The following CLEC12A variants were observed in gnomAD, a reference collection of about 807,000 sequenced individuals.
The protein encoded by CLEC12A is C-type lectin domain family 12 member A.
In CLEC12A, 22 loss-of-function variants were observed where a neutral mutation model predicts 26.5. The observed-to-expected ratio is 0.83, with a 90% confidence interval of 0.59 to 1.19. The LOEUF is 1.19. Among genes scored for constraint, CLEC12A ranks in the 50% most tolerant of loss-of-function variants. The probability of loss-of-function intolerance (pLI) is 0.00; values close to 1 mark genes in which losing one functional copy is unlikely to be tolerated. For synonymous variants in CLEC12A, 119 were observed against 101.9 expected (o/e 1.17, Z -1.01); for missense variants, 353 against 315.6 (o/e 1.12, Z -0.90).
chr12:9,971,334 G>T, upstream of CLEC12A: 1 of 936,094 alleles, frequency 1.1e-6, no homozygotes, highest in Non-Finnish European at 1.3e-6. Context: ...TGAGAAAAAG[G>T]AAGAAATATG....
At chr12:9,998,802 C>T (rs1370547602), downstream of CLEC12A, among the ~76,000 whole-genome samples, 2 of 152,072 alleles carry the variant, frequency 1.3e-5, no homozygotes, top group Admixed American at 6.5e-5. Flanking sequence ...TCTATGCCCT[C>T]GAGTATTAAA....
the CLEC12A span, among the ~76,000 whole-genome samples, chr12:10,005,985 A>G: frequency 6.6e-6 from 1 of 152,158 alleles, no homozygotes; most frequent in Non-Finnish European, 1.5e-5. Context: ...AACAGAAAGA[A>G]CAGAGTGAGA....
upstream of CLEC12A, among the ~76,000 whole-genome samples, chr12:9,967,291 T>TA (rs1863984298): frequency 3.6e-5 from 1 of 28,086 alleles, no homozygotes; most frequent in South Asian, 2.4e-3. Context: ...GAGGGACCAA[T>TA]GTGTAAAAGA....
At chr12:9,952,508 G>C (rs898567307) in intron 1 of CLEC12A, 2 of 151,744 alleles carry the variant, frequency 1.3e-5, no homozygotes, top group East Asian at 2.3e-4. Context: ...GTGCAGTGGC[G>C]TGATCTCGGC....
At chr12:10,005,796 GC>G in the CLEC12A span, among the ~76,000 whole-genome samples, 1 of 151,974 alleles carries the variant, frequency 6.6e-6, no homozygotes, top group African/African-American at 2.4e-5. Context: ...TTTTCCTTCT[GC>G]TTTTAGTTTA....
upstream of CLEC12A, among the ~76,000 whole-genome samples, chr12:9,968,689 C>A (rs479809): frequency 0.25 from 37,531 of 151,980 alleles, 5,094 homozygotes; most frequent in South Asian, 0.47. Context: ...AGAGGCCTGA[C>A]AATAACAACC....
intron 1 of CLEC12A, among the ~76,000 whole-genome samples, chr12:9,975,612 G>A (rs1864304027): frequency 1.3e-5 from 2 of 152,276 alleles, no homozygotes; most frequent in South Asian, 2.1e-4. Context: ...TAAAAGTTCA[G>A]AAAATTTGTG....
downstream of CLEC12A, chr12:9,997,236 G>A: frequency 6.2e-7 from 1 of 1,613,470 alleles, no homozygotes; most frequent in East Asian, 2.2e-5. Flanking sequence ...GAGTTCCTGT[G>A]CGATTTTCAT....
chr12:9,954,818 CAA>C (rs1196684543), intron 1 of CLEC12A, among the ~76,000 whole-genome samples: 3 of 152,140 alleles, frequency 2.0e-5, no homozygotes, highest in Admixed American at 6.5e-5. Flanking sequence ...CTTTAATAAA[CAA>C]GAGAGCTTTT....
chr12:9,952,123 C>CTCTCCCTCTCCG (rs1863622850), intron 1 of CLEC12A: 1 of 76,154 alleles, frequency 1.3e-5, no homozygotes, highest in Non-Finnish European at 2.5e-5. Flanking sequence ...AGCGCTCTCC[C>CTCTCCCTCTCCG]TCTCCCTCTC....
At chr12:9,976,428 A>G (rs1208450736) in intron 1 of CLEC12A, among the ~76,000 whole-genome samples, 1 of 152,152 alleles carries the variant, frequency 6.6e-6, no homozygotes, top group Non-Finnish European at 1.5e-5. Flanking sequence ...GAGCTTTAAG[A>G]TTTGGTGCCC....
At chr12:9,978,681 T>C (rs1864433971) in intron 1 of CLEC12A, among the ~76,000 whole-genome samples, 1 of 152,184 alleles carries the variant, frequency 6.6e-6, no homozygotes, top group South Asian at 2.1e-4. Context: ...CATTCTCTAT[T>C]ATAAATTCTG....
At chr12:10,003,062 A>G in the CLEC12A span, among the ~76,000 whole-genome samples, 1 of 152,226 alleles carries the variant, frequency 6.6e-6, no homozygotes, top group African/African-American at 2.4e-5. Flanking sequence ...GATTCCAGAC[A>G]GAAACAAAAG....
At chr12:9,961,507 G>A (rs1016948891) in intron 1 of CLEC12A, among the ~76,000 whole-genome samples, 3 of 152,118 alleles carry the variant, frequency 2.0e-5, no homozygotes, top group African/African-American at 7.2e-5. Flanking sequence ...TCATAGCATT[G>A]CAACTTGTAT....
chr12:9,987,778 A>G (rs1190228084), downstream of CLEC12A, among the ~76,000 whole-genome samples: 1 of 151,926 alleles, frequency 6.6e-6, no homozygotes, highest in African/African-American at 2.4e-5. Flanking sequence ...TTTTAGCCCC[A>G]GATCATTTTA....
chr12:9,979,456 G>A lies in CLEC12A; in HGVS notation c.311G>A (p.Arg104Lys), dbSNP rs1864465977. 6.2e-7 allele frequency: 1 copy of A among 1,613,372 alleles called. No individual in the cohort carries two copies. The highest frequency in any genetic ancestry group is 1.3e-5 in the African/African-American group (1 of 74,988). Reference sequence around the variant, plus strand: ...AACATGAATATCTCCAACAAGATCAGGAACCTCTCCACCACACTGCAAACA... The same window carrying A: ...AACATGAATATCTCCAACAAGATCAAGAACCTCTCCACCACACTGCAAACA... ...MSNMNISNKI[R>K]NLSTTLQTIA... The change falls in exon 3 of 6, where the codon AGG becomes AAG. Residue 104 changes from arginine to lysine, a missense_variant. Coordinates refer to ENST00000304361, the MANE Select transcript of CLEC12A (RefSeq NM_138337.6).
downstream of CLEC12A, chr12:9,999,017 T>C: frequency 7.1e-7 from 1 of 1,414,996 alleles, no homozygotes; most frequent in Non-Finnish European, 9.9e-7. Context: ...TTCCAAATTA[T>C]TGGCTCTGAG....
chr12:9,972,056 GTGTGTT>G (rs10550334), intron 1 of CLEC12A, among the ~76,000 whole-genome samples: 73,232 of 145,052 alleles, frequency 0.5, 18,911 homozygotes, highest in South Asian at 0.72. Context: ...GTGTGTGTGT[GTGTGTT>G]TTTTTTTTTA....
chr12:9,977,175 A>C (rs1218565140), intron 1 of CLEC12A, among the ~76,000 whole-genome samples: 1 of 152,222 alleles, frequency 6.6e-6, no homozygotes, highest in East Asian at 1.9e-4. Context: ...GAAAAATTTC[A>C]GAAATTTTTG....
Sources: gnomAD v4.1 joint callset for allele counts (sites outside exome capture counted in the v4.1 genomes callset) on GRCh38, gnomAD v4.1.1 for gene constraint, MANE v1.5 for transcripts, NCBI Gene and HGNC (gene_info 2026-07-23, HGNC 2026-07-21) for gene names.